The following EXOSC9 variants were observed in gnomAD, a reference collection of about 807,000 sequenced individuals.
EXOSC9 encodes exosome complex component RRP45.
In EXOSC9, 38 loss-of-function variants were observed where a neutral mutation model predicts 56.5. That is an observed-to-expected ratio of 0.67 (90% confidence interval 0.52 to 0.88). EXOSC9 has a LOEUF of 0.88. EXOSC9 is among the 40% of genes least tolerant of loss of function. EXOSC9 has a pLI of 0.00. For missense variants in EXOSC9, 559 were observed against 530.5 expected (o/e 1.05, Z -0.53); for synonymous variants, 170 against 170.8 (o/e 0.99, Z 0.04).
At position 121,801,418 on chromosome 4, in the gene EXOSC9, C is replaced by A; in HGVS notation, c.-7C>A. On this transcript the variant is annotated 5_prime_UTR_variant, in exon 1 of 12. Coordinates refer to ENST00000243498, the MANE Select transcript of EXOSC9 (RefSeq NM_005033.3). ...TCTGGTGCCTGTGGGGCCGGTGACC[C>A]AACACCATGAAGGAAACGCCACTCT... 3 of 1,613,670 alleles carry A rather than the reference C, an allele frequency of 1.9e-6. No individual in the cohort carries two copies. The highest frequency in any genetic ancestry group is 2.5e-6 in the Non-Finnish European group (3 of 1,179,572).
In EXOSC9 at chr4:121,816,784, C is replaced by T; in HGVS notation, c.1248C>T (p.Thr416=). 6.3e-7 allele frequency: 1 copy of T among 1,597,186 alleles called. No individual in the cohort carries two copies. Among genetic ancestry groups the T allele is most frequent in the Non-Finnish European group, 8.5e-7 (1 of 1,172,460 alleles). ...KNPKKIRTQT[T]SAKQEKAPSK... ...GCTTTATTCACAGAACACAGACCAC[C>T]AGTGCAAAACAAGAAAAAGCACCAA... Residue 416 remains threonine, a synonymous_variant, in exon 12 of 12, where the codon ACC becomes ACT. Transcript: ENST00000243498.
In EXOSC9 at chr4:121,816,811, T is replaced by TAA. The variant is rs1170874223; in HGVS notation, c.1279_1280dup (p.Pro428SerfsTer3). ...GTGCAAAACAAGAAAAAGCACCAAG[T>TAA]AAAAAGCCAGTGAAAAGAAGAAAAA... On this transcript the variant is annotated frameshift_variant, in exon 12 of 12. Transcript: ENST00000243498. LOFTEE classifies it high-confidence loss of function. 2 of 1,602,472 alleles carry TAA rather than the reference T, an allele frequency of 1.2e-6. No individual in the cohort carries two copies. Among genetic ancestry groups the TAA allele is most frequent in the East Asian group, 2.2e-5 (1 of 44,598 alleles).
intron 10 of EXOSC9, chr4:121,815,393 G>A (rs1018735704): frequency 2.0e-6 from 2 of 981,588 alleles, no homozygotes; most frequent in African/African-American, 3.5e-5. Context: ...TGAATATAAT[G>A]AAGGTGGACC....
chr4:121,809,815 G>A, intron 6 of EXOSC9, 152 bp from the exon 7 acceptor site: 1 of 715,436 alleles, frequency 1.4e-6, no homozygotes. Flanking sequence ...TAATTTTCTT[G>A]TCTCTTTCCC....
rs767868795 is a variant in EXOSC9, at chr4:121,807,537, C to G, written c.523-3C>G. On this transcript the variant is annotated splice_region_variant and splice_polypyrimidine_tract_variant and intron_variant, in intron 5 of 11. Transcript: ENST00000243498. The stretch of plus-strand genomic sequence containing the variant: ...AATTATTAAACATTTTCTTTTGAAA[C>G]AGTATACACCTGAAGAGCGTGATCC... 6.4e-7 allele frequency: 1 copy of G among 1,571,800 alleles called. No individual in the cohort carries two copies.
rs376481113 is a variant in EXOSC9 at position 121,804,617 on chromosome 4, A to T, written c.385-5A>T. 3.8e-5 allele frequency: 58 copies of T among 1,546,362 alleles called. No individual in the cohort carries two copies. Among genetic ancestry groups the T allele is most frequent in the Non-Finnish European group, 4.8e-5 (54 of 1,126,780 alleles). ...GATTTATTTTTATTTTAAATTCACTATCAGGTTTGGCAAATACGTGTAGAC... is the reference window on the plus strand; with the variant it reads ...GATTTATTTTTATTTTAAATTCACTTTCAGGTTTGGCAAATACGTGTAGAC... On this transcript the variant is annotated splice_region_variant and splice_polypyrimidine_tract_variant and intron_variant, in intron 4 of 11. Transcript: ENST00000243498.
At chr4:121,810,231 G>C (rs1340576761) in intron 7 of EXOSC9, 132 bp downstream of exon 7, 4 of 791,576 alleles carry the variant, frequency 5.1e-6, no homozygotes, top group Admixed American at 4.7e-5. Flanking sequence ...TCTGGTTTCA[G>C]TACTGTCACT....
chr4:121,813,843 C>T (rs1030996957), intron 9 of EXOSC9, 23 bp from the exon 10 acceptor site: 9 of 1,546,458 alleles, frequency 5.8e-6, no homozygotes, highest in Middle Eastern at 1.7e-4. Context: ...ATTTTTGTTA[C>T]TCAGTTTTCT....
intron 2 of EXOSC9, among the ~76,000 whole-genome samples, 193 bp from the exon 3 acceptor site, chr4:121,802,481 C>T (rs1464509649): frequency 6.6e-6 from 1 of 152,028 alleles, no homozygotes; most frequent in Non-Finnish European, 1.5e-5. Flanking sequence ...TTTTTTCTGT[C>T]GTGTTTTTAG....
At chr4:121,813,199 C>T in intron 8 of EXOSC9, 35 bp from the exon 9 acceptor site, 11 of 1,582,342 alleles carry the variant, frequency 7.0e-6, no homozygotes, top group Non-Finnish European at 9.4e-6. Context: ...ACCTTCCTCC[C>T]CCTTCCTTCC....
intron 5 of EXOSC9, among the ~76,000 whole-genome samples, chr4:121,805,416 G>T: frequency 6.6e-6 from 1 of 152,218 alleles, no homozygotes; most frequent in East Asian, 1.9e-4. Context: ...TTACATGCTA[G>T]AATAGTGAAA....
Position 121,804,868 on chromosome 4 carries a change from G to A in EXOSC9, c.522+109G>A, listed in dbSNP as rs535066240. 349 of 916,970 alleles carry A rather than the reference G, an allele frequency of 3.8e-4. 2 individuals carry two copies. The highest frequency in any genetic ancestry group is 2.9e-3 in the African/African-American group (176 of 59,790). 56.8% of individuals were successfully genotyped at this position (916,970 alleles called of 1,614,324 possible). ...TTATGTTGTAGATGGCAATTGGGTC[G>A]TTTCTAAAAATTTGTTTGTAAGACT... On this transcript the variant is annotated intron_variant, in intron 5 of 11. Transcript: ENST00000243498.
chr4:121,801,953 A>G (rs1251309018), intron 2 of EXOSC9, 32 bp downstream of exon 2: 2 of 1,458,634 alleles, frequency 1.4e-6, no homozygotes, highest in East Asian at 2.3e-5. Context: ...ACACATTCGG[A>G]AGGGAGAAGT....
In EXOSC9 at chr4:121,813,891, C is replaced by A. The variant is rs546850964; in HGVS notation, c.1000C>A (p.Pro334Thr). Residue 334 changes from proline (P) to threonine (T), a missense_variant, in exon 10 of 12, where the codon CCT (proline) becomes ACT (threonine). Physicochemically the swap from Pro to Thr is conservative, Grantham distance 38 (BLOSUM62 -1). Transcript: ENST00000243498. ...EVVSTPVLWT[P>T]GTAQIGEGVE... ...TGTTTCTACACCTGTGCTATGGACT[C>A]CTGGAACTGCCCAAATTGGAGAGGG... 6.2e-7 allele frequency: 1 copy of A among 1,613,198 alleles called. No individual in the cohort carries two copies.
chr4:121,801,530 G>C (rs1726863641), intron 1 of EXOSC9, 40 bp downstream of exon 1: 3 of 1,599,040 alleles, frequency 1.9e-6, no homozygotes, highest in African/African-American at 2.7e-5. Flanking sequence ...CTGCGTGGGC[G>C]CTCGGGTCTC....
At chr4:121,808,324 G>A (rs1185210243) in intron 6 of EXOSC9, among the ~76,000 whole-genome samples, 1 of 152,196 alleles carries the variant, frequency 6.6e-6, no homozygotes, top group Non-Finnish European at 1.5e-5. Flanking sequence ...GCATTGTCCA[G>A]TAGAAATAAA....
intron 5 of EXOSC9, 60 bp from the exon 6 acceptor site, chr4:121,807,480 A>AT: frequency 1.0e-6 from 1 of 988,516 alleles, no homozygotes; most frequent in South Asian, 1.5e-5. Flanking sequence ...GTGCAAGATG[A>AT]TTTTTTTGGA....
intron 9 of EXOSC9, 150 bp downstream of exon 9, chr4:121,813,530 T>G (rs1724334026): frequency 4.1e-6 from 3 of 730,388 alleles, no homozygotes; most frequent in Admixed American, 2.4e-5. Context: ...GATAGAGATG[T>G]GAGTCATATT....
In EXOSC9 at chr4:121,816,989, A is replaced by AATG. The variant is rs1724545660; in HGVS notation, c.*134_*136dup. ...ATTTTAAAAATAGTTTTTTGTTTTTAATGTGCTTTAAAATAATAAACCTTC... is the reference window on the plus strand; with the variant it reads ...ATTTTAAAAATAGTTTTTTGTTTTTAATGATGTGCTTTAAAATAATAAACCTTC... On this transcript the variant is annotated 3_prime_UTR_variant, in exon 12 of 12. Coordinates refer to ENST00000243498, the MANE Select transcript of EXOSC9 (RefSeq NM_005033.3). 1.1e-6 allele frequency: 1 copy of AATG among 916,678 alleles called. No individual in the cohort carries two copies. The highest frequency in any genetic ancestry group is 1.6e-6 in the Non-Finnish European group (1 of 644,182). The allele number at this position is 916,678 out of a possible 1,614,324, so 56.8% of individuals were successfully genotyped here.
Sources: allele counts gnomAD v4.1 joint callset (sites outside exome capture counted in the v4.1 genomes callset), GRCh38; gene constraint gnomAD v4.1.1; transcripts MANE v1.5; gene names NCBI Gene and HGNC (gene_info 2026-07-23, HGNC 2026-07-21).